MCCC2: variants seen among roughly 807,000 people sequenced by gnomAD.
MCCC2 encodes the protein methylcrotonyl-CoA carboxylase subunit 2.
In MCCC2, 52 loss-of-function variants were observed where a neutral mutation model predicts 77.2. That is an observed-to-expected ratio of 0.67 (90% CI 0.54 to 0.85). The LOEUF is 0.85. Ranked by LOEUF, MCCC2 falls within the 40% of genes least tolerant of loss-of-function variation. The probability of loss-of-function intolerance (pLI) is 0.00; values close to 1 mark genes in which losing one functional copy is unlikely to be tolerated. For missense variants in MCCC2, 682 were observed against 703.2 expected (o/e 0.97, Z 0.34); for synonymous variants, 253 against 248.4 (o/e 1.02, Z -0.18).
At chr5:71,652,780 T>C in intron 16 of MCCC2, 26 bp downstream of exon 16, 2 of 1,597,018 alleles carry the variant, frequency 1.3e-6, no homozygotes, top group Non-Finnish European at 1.7e-6. Context: ...TCACTAACTC[T>C]CTGATGGGTG....
rs140340297 is a variant in MCCC2, at chr5:71,615,732, C to T, written c.625-10908C>T. Among the ~76,000 whole-genome samples, 343 of 152,274 alleles carry T rather than the reference C, an allele frequency of 2.3e-3. 3 individuals carry two copies. The highest frequency in any genetic ancestry group is 7.9e-3 in the African/African-American group (327 of 41,556). ...CAATATTTGGTGTCTGCCCCAGTTC[C>T]TCCGACAGAGTTCCTAATACCCTTG... On this transcript the variant is annotated intron_variant, in intron 6 of 16. Transcript: ENST00000340941.
At chr5:71,628,560 G>A (rs1183263249) in intron 7 of MCCC2, among the ~76,000 whole-genome samples, 2 of 152,224 alleles carry the variant, frequency 1.3e-5, no homozygotes, top group South Asian at 4.1e-4. Context: ...GTTTTTGGGT[G>A]TGGGATAAGG....
Position 71,632,597 on chromosome 5 carries a change from G to T in MCCC2, c.803+412G>T, listed in dbSNP as rs796986145. On this transcript the variant is annotated intron_variant, in intron 8 of 16. Transcript: ENST00000340941. ...GATAAGGCTTACAAAGGAGAAGAGG[G>T]AAGAGCATAGAGGAGGTGGGTCTGC... Among the ~76,000 whole-genome samples the T allele has an allele frequency of 3.5e-4, 53 of 152,326 alleles. 1 individual carries two copies. Among genetic ancestry groups the T allele is most frequent in the African/African-American group, 1.3e-3 (52 of 41,566 alleles).
chr5:71,646,311 G>T, intron 13 of MCCC2, 34 bp downstream of exon 13: 1 of 1,592,620 alleles, frequency 6.3e-7, no homozygotes, highest in Non-Finnish European at 8.6e-7. Context: ...TGGTTGTATT[G>T]ATTCCAGAGC....
intron 6 of MCCC2, among the ~76,000 whole-genome samples, chr5:71,617,845 G>A (rs1297143141): frequency 2.0e-5 from 3 of 152,060 alleles, no homozygotes; most frequent in Non-Finnish European, 4.4e-5. Context: ...TACCCGTATC[G>A]TTTTCTGTAT....
rs1183960855 is a variant in MCCC2, at chr5:71,658,586, G to A, written c.*1726G>A. On this transcript the variant is annotated 3_prime_UTR_variant, in exon 17 of 17. Coordinates refer to ENST00000340941, the MANE Select transcript of MCCC2 (RefSeq NM_022132.5). ...GTAGGTGCTCAAATATTCGTTGAAT[G>A]AATGAAAAATCCATATTGTAATTGA... 6.6e-6 allele frequency: 1 copy of A among 152,178 alleles called. No individual in the cohort carries two copies. Among genetic ancestry groups the A allele is most frequent in the Non-Finnish European group, 1.5e-5 (1 of 68,036 alleles). 9.4% of individuals were successfully genotyped at this position (152,178 alleles called of 1,614,324 possible). A position where few individuals can be genotyped will look rare whatever the true frequency, so the allele number is the denominator to read the frequency against.
At chr5:71,655,856 T>C (rs990661768) in intron 16 of MCCC2, among the ~76,000 whole-genome samples, 9 of 152,356 alleles carry the variant, frequency 5.9e-5, no homozygotes, top group South Asian at 4.1e-4. Flanking sequence ...TTTAAAGTTA[T>C]TGTTTTTCCT....
rs764779300 is a variant in MCCC2 at position 71,643,869 on chromosome 5, G to A, written c.1123G>A (p.Val375Ile). The A allele has an allele frequency of 1.2e-6, 2 of 1,614,086 alleles. No homozygotes were observed. The highest frequency in any genetic ancestry group is 2.2e-5 in the South Asian group (2 of 91,076). The change falls in exon 12 of 17, where the codon GTT becomes ATT. Residue 375 changes from valine to isoleucine, a missense_variant. Transcript: ENST00000340941. Reference sequence around the variant, plus strand: ...AGTAGGTATCGTTGGAAACAACGGAGTTCTCTTTTCTGAATCTGCAAAAAA... The same window carrying A: ...AGTAGGTATCGTTGGAAACAACGGAATTCTCTTTTCTGAATCTGCAAAAAA... ...YPVGIVGNNG[V>I]LFSESAKKGT...
chr5:71,627,087 A>G (rs1746553812), intron 7 of MCCC2, among the ~76,000 whole-genome samples: 2 of 152,216 alleles, frequency 1.3e-5, no homozygotes, highest in Admixed American at 6.5e-5. Context: ...GTGGAATCAT[A>G]TAATATCTGT....
At chr5:71,618,584 G>T (rs901134256) in intron 6 of MCCC2, among the ~76,000 whole-genome samples, 8 of 142,456 alleles carry the variant, frequency 5.6e-5, no homozygotes, top group African/African-American at 1.9e-4. Flanking sequence ...TAGAGGTGAA[G>T]TCTTGCTGCT....
intron 2 of MCCC2, among the ~76,000 whole-genome samples, chr5:71,595,772 C>T (rs1329068346): frequency 1.3e-5 from 2 of 152,142 alleles, no homozygotes; most frequent in Admixed American, 1.3e-4. Context: ...AGGAAGGGGA[C>T]TTTTAAATTG....
chr5:71,598,927 T>TG lies in MCCC2; in HGVS notation c.282-732_282-731insG, dbSNP rs1027253827. ...CCATCATGCCCAGCTGTGTTGAAAA[T>TG]TTTTTTTTTTTTGTAAAGATGGGGT... On this transcript the variant is annotated intron_variant, in intron 3 of 16. Transcript: ENST00000340941. Among the ~76,000 whole-genome samples, 8 of 74,720 alleles carry TG rather than the reference T, an allele frequency of 1.1e-4. No homozygotes were observed. In the East Asian group the frequency reaches 5.1e-3, roughly 47 times the overall value. The allele number at this position is 74,720 out of a possible 152,430, so 49.0% of individuals were successfully genotyped here. A position where few individuals can be genotyped will look rare whatever the true frequency, so the allele number is the denominator to read the frequency against.
intron 6 of MCCC2, among the ~76,000 whole-genome samples, chr5:71,624,693 C>CTTTTTTT (rs36140678): frequency 1.2e-4 from 12 of 101,796 alleles, no homozygotes; most frequent in South Asian, 3.7e-4. Flanking sequence ...TTCTTTCTTT[C>CTTTTTTT]TTTTTTTTTT....
intron 4 of MCCC2, among the ~76,000 whole-genome samples, chr5:71,600,292 A>G (rs942648205): frequency 3.3e-5 from 5 of 152,214 alleles, no homozygotes; most frequent in Non-Finnish European, 7.3e-5. Context: ...TTTAATAGGT[A>G]TAAAGTAGTA....
intron 3 of MCCC2, among the ~76,000 whole-genome samples, chr5:71,599,355 G>GC (rs939209868): frequency 1.1e-4 from 16 of 152,056 alleles, no homozygotes; most frequent in African/African-American, 3.9e-4. Flanking sequence ...GGGTGACAGG[G>GC]CAAGACTCCA....
At position 71,656,770 on chromosome 5, in the gene MCCC2, A is replaced by G. The variant is rs2112478257; in HGVS notation, c.1602A>G (p.Pro534=). The G allele has an allele frequency of 6.2e-7, 1 of 1,614,164 alleles. No individual in the cohort carries two copies. The highest frequency in any genetic ancestry group is 8.5e-7 in the Non-Finnish European group (1 of 1,179,984). The part of the protein sequence containing the change: ...ARVWDDGIID[P]ADTRLVLGLS... Reference sequence around the variant, plus strand: ...TATGGGATGATGGGATCATTGATCCAGCAGACACCAGACTGGTCTTGGGTC... The same window carrying G: ...TATGGGATGATGGGATCATTGATCCGGCAGACACCAGACTGGTCTTGGGTC... The change falls in exon 17 of 17, where the codon CCA becomes CCG. Residue 534 remains proline, a synonymous_variant. Coordinates refer to ENST00000340941, the MANE Select transcript of MCCC2 (RefSeq NM_022132.5).
chr5:71,593,390 G>C (rs1258784365), intron 2 of MCCC2, among the ~76,000 whole-genome samples: 1 of 151,732 alleles, frequency 6.6e-6, no homozygotes, highest in African/African-American at 2.4e-5. Context: ...ACTCCTGGCT[G>C]AGCTTTTGAC....
intron 6 of MCCC2, among the ~76,000 whole-genome samples, chr5:71,607,082 T>A (rs1437661002): frequency 6.6e-6 from 1 of 151,864 alleles, no homozygotes; most frequent in Non-Finnish European, 1.5e-5. Flanking sequence ...AGAATGATGC[T>A]GGCCTCATAA....
intron 16 of MCCC2, among the ~76,000 whole-genome samples, chr5:71,653,736 A>C (rs1338477247): frequency 6.6e-6 from 1 of 151,978 alleles, no homozygotes; most frequent in Non-Finnish European, 1.5e-5. Flanking sequence ...CTGTAGTCCC[A>C]GCTACTCAGA....
Sources: gnomAD v4.1 joint callset for allele counts (sites outside exome capture counted in the v4.1 genomes callset) on GRCh38, gnomAD v4.1.1 for gene constraint, MANE v1.5 for transcripts, NCBI Gene and HGNC (gene_info 2026-07-23, HGNC 2026-07-21) for gene names.